CERS6: variants seen among roughly 807,000 people sequenced by gnomAD.
CERS6 encodes LAG1 homolog, ceramide synthase 6.
In CERS6, 26 loss-of-function variants were observed where a neutral mutation model predicts 56.8. The observed-to-expected ratio is 0.46, with a 90% CI of 0.34 to 0.63. CERS6 has a LOEUF of 0.63. Ranked by LOEUF, CERS6 falls within the 30% of genes least tolerant of loss-of-function variation. The pLI, the probability that CERS6 is intolerant of heterozygous loss-of-function variation, is 0.01. For synonymous variants in CERS6, 164 were observed against 173.3 expected, an observed-to-expected ratio of 0.95 and a Z score of 0.42; for missense variants, 415 against 467.5, an observed-to-expected ratio of 0.89 and a Z score of 1.04.
chr2:168,667,885 G>A (rs1335814746), intron 4 of CERS6, among the ~76,000 whole-genome samples: 1 of 152,198 alleles, frequency 6.6e-6, no homozygotes, highest in East Asian at 1.9e-4. Context: ...AATATGCATG[G>A]AGGGACCTTC....
At chr2:168,459,363 C>G (rs1693736682) in intron 1 of CERS6, among the ~76,000 whole-genome samples, 1 of 152,220 alleles carries the variant, frequency 6.6e-6, no homozygotes, top group South Asian at 2.1e-4. Context: ...ACAGTCCTTT[C>G]TTTTTATTTT....
intron 1 of CERS6, among the ~76,000 whole-genome samples, chr2:168,519,074 C>T (rs910702095): frequency 3.9e-5 from 6 of 152,260 alleles, no homozygotes; most frequent in Non-Finnish European, 8.8e-5. Context: ...TGTTGTGGAG[C>T]AGTGTTGAGG....
chr2:168,715,925 AT>A (rs1291759180), intron 7 of CERS6, among the ~76,000 whole-genome samples: 1 of 151,110 alleles, frequency 6.6e-6, no homozygotes, highest in Admixed American at 6.6e-5. Flanking sequence ...CTGAATTCTG[AT>A]TTTTTTTTCC....
At chr2:168,611,777 G>A (rs1009558580) in intron 3 of CERS6, among the ~76,000 whole-genome samples, 2 of 152,180 alleles carry the variant, frequency 1.3e-5, no homozygotes, top group African/African-American at 4.8e-5. Flanking sequence ...AAAGTAAGAA[G>A]TCAGCCAAAT....
At chr2:168,518,764 T>A (rs2105354948) in intron 1 of CERS6, among the ~76,000 whole-genome samples, 1 of 152,328 alleles carries the variant, frequency 6.6e-6, no homozygotes, top group African/African-American at 2.4e-5. Context: ...ACTGACACAT[T>A]GAAAATGGAT....
At position 168,711,639 on chromosome 2, in the gene CERS6, C is replaced by T. The variant is rs1023356834; in HGVS notation, c.610-3362C>T. Among the ~76,000 whole-genome samples, 14 of 148,892 alleles carry T rather than the reference C, an allele frequency of 9.4e-5. No homozygotes were observed. In the South Asian group the frequency reaches 2.5e-3, roughly 27 times the overall value. ...ATCCCAGCTACTTGGGTGGCTGAGG[C>T]ACAAGAATGGCTTGAACCCAGGAGA... is the stretch of plus-strand genomic sequence containing the variant. On this transcript the variant is annotated intron_variant, in intron 6 of 9. Coordinates refer to ENST00000305747, the MANE Select transcript of CERS6 (RefSeq NM_203463.3).
intron 3 of CERS6, among the ~76,000 whole-genome samples, chr2:168,609,242 G>T (rs1384534777): frequency 1.3e-5 from 2 of 152,064 alleles, no homozygotes; most frequent in South Asian, 2.1e-4. Flanking sequence ...GGATCCTCCC[G>T]CTTCAGCCTC....
At position 168,491,627 on chromosome 2, in the gene CERS6, C is replaced by T. The variant is rs1694375808; in HGVS notation, c.170+35009C>T. 2.6e-5 allele frequency among the ~76,000 whole-genome samples: 4 copies of T among 151,938 alleles called. No individual in the cohort carries two copies. In the South Asian group the frequency reaches 8.3e-4, roughly 32 times the overall value. ...GGTTAATAGTGTTCAAGTTTTCTAG[C>T]TTCTCTTTTTTTTAAAAATTATACT... On this transcript the variant is annotated intron_variant, in intron 1 of 9. Transcript: ENST00000305747.
chr2:168,728,900 C>T (rs904712053), intron 8 of CERS6, among the ~76,000 whole-genome samples: 3 of 149,200 alleles, frequency 2.0e-5, no homozygotes, highest in Non-Finnish European at 3.0e-5. Flanking sequence ...CCCAGCTACT[C>T]GGGAGGCTGA....
intron 1 of CERS6, among the ~76,000 whole-genome samples, chr2:168,520,460 T>C (rs896964105): frequency 5.9e-5 from 9 of 152,062 alleles, no homozygotes; most frequent in Non-Finnish European, 1.3e-4. Flanking sequence ...AATTTTTATT[T>C]TTGTTGCGTT....
chr2:168,647,269 T>G (rs1685227067), intron 4 of CERS6, among the ~76,000 whole-genome samples: 1 of 152,216 alleles, frequency 6.6e-6, no homozygotes, highest in African/African-American at 2.4e-5. Context: ...GGTATTTTAT[T>G]CTTTTTATAG....
intron 7 of CERS6, 34 bp from the exon 8 acceptor site, chr2:168,717,838 C>G: frequency 6.0e-6 from 9 of 1,501,998 alleles, no homozygotes; most frequent in Non-Finnish European, 8.3e-6. Context: ...ATCAGTTTAA[C>G]TACATTAATA....
At chr2:168,552,568 G>A (rs1235614198) in intron 2 of CERS6, among the ~76,000 whole-genome samples, 1 of 152,154 alleles carries the variant, frequency 6.6e-6, no homozygotes, top group Non-Finnish European at 1.5e-5. Context: ...CCGTGTGGGG[G>A]TGGGTGTCAG....
At chr2:168,521,751 G>T (rs1386622255) in intron 1 of CERS6, among the ~76,000 whole-genome samples, 1 of 152,176 alleles carries the variant, frequency 6.6e-6, no homozygotes, top group African/African-American at 2.4e-5. Context: ...CCCCTGCAAA[G>T]ATTTCCAAGG....
At chr2:168,575,339 C>G (rs913312594) in intron 3 of CERS6, among the ~76,000 whole-genome samples, 1 of 151,884 alleles carries the variant, frequency 6.6e-6, no homozygotes, top group Non-Finnish European at 1.5e-5. Flanking sequence ...GCTTGGGAGG[C>G]CTTAGGAAAC....
chr2:168,646,839 G>A (rs966867941), intron 4 of CERS6, among the ~76,000 whole-genome samples: 2 of 152,092 alleles, frequency 1.3e-5, no homozygotes, highest in East Asian at 1.9e-4. Flanking sequence ...TCAGATGGTC[G>A]TAGGTGTGTG....
intron 4 of CERS6, among the ~76,000 whole-genome samples, chr2:168,641,149 G>A (rs769187754): frequency 3.9e-5 from 6 of 152,082 alleles, no homozygotes; most frequent in African/African-American, 7.2e-5. Flanking sequence ...TTTCACAGAC[G>A]ACATGATTGC....
At chr2:168,489,818 G>C (rs1694337518) in intron 1 of CERS6, among the ~76,000 whole-genome samples, 1 of 151,990 alleles carries the variant, frequency 6.6e-6, no homozygotes, top group Non-Finnish European at 1.5e-5. Flanking sequence ...GGGTTTCTCA[G>C]AGTTGGAATC....
rs1014101083 is a variant in CERS6 at position 168,456,881 on chromosome 2, C to T, written c.170+263C>T. On this transcript the variant is annotated intron_variant, in intron 1 of 9. Coordinates refer to ENST00000305747, the MANE Select transcript of CERS6 (RefSeq NM_203463.3). This position sits in a 1 kb window ranked among gnomAD's most constrained non-coding sequence, Gnocchi z 4.1. The stretch of plus-strand genomic sequence containing the variant: ...GGTCGCCCCCTGCCCTCCTCCTGGG[C>T]CCTGCTCTCCTCCCGGCAAGGGCAG... Among the ~76,000 whole-genome samples, 2 of 152,206 alleles carry T rather than the reference C, an allele frequency of 1.3e-5. No individual in the cohort carries two copies. Among genetic ancestry groups the T allele is most frequent in the Non-Finnish European group, 2.9e-5 (2 of 68,018 alleles).
Sources: gnomAD v4.1 joint callset for allele counts (sites outside exome capture counted in the v4.1 genomes callset) on GRCh38, gnomAD v4.1.1 for gene constraint, Gnocchi (gnomAD v3.1) non-coding constraint, MANE v1.5 for transcripts, NCBI Gene and HGNC (gene_info 2026-07-23, HGNC 2026-07-21) for gene names.